Variants in GSG1L observed in about 807,000 individuals in gnomAD.
GSG1L encodes the protein germ cell-specific gene 1-like protein.
GSG1L carries 24 observed loss-of-function variants against 42.1 expected under a neutral mutation model. That is an observed-to-expected ratio of 0.57 (90% CI 0.41 to 0.80). GSG1L has a LOEUF of 0.80. GSG1L is among the 30% of genes least tolerant of loss of function. The pLI is 0.00. For missense variants in GSG1L, 445 were observed against 472.2 expected, an observed-to-expected ratio of 0.94 and a Z score of 0.53; for synonymous variants, 215 against 203.5, an observed-to-expected ratio of 1.06 and a Z score of -0.48.
chr16:28,032,740 C>T (rs545441143), intron 1 of GSG1L, among the ~76,000 whole-genome samples: 1 of 152,268 alleles, frequency 6.6e-6, no homozygotes, highest in African/African-American at 2.4e-5. Context: ...TAGGAGTTGT[C>T]CAAAATGCCT....
chr16:27,866,192 C>T (rs2083722004), intron 3 of GSG1L, among the ~76,000 whole-genome samples: 1 of 152,194 alleles, frequency 6.6e-6, no homozygotes, highest in Non-Finnish European at 1.5e-5. Context: ...TCTTCCCTTT[C>T]TGTAATTAAT....
At chr16:28,058,901 A>T (rs1231797986) in intron 1 of GSG1L, among the ~76,000 whole-genome samples, 1 of 152,128 alleles carries the variant, frequency 6.6e-6, no homozygotes, top group Non-Finnish European at 1.5e-5. Flanking sequence ...TGGAGACTTG[A>T]CTCTGAATGA....
intron 1 of GSG1L, among the ~76,000 whole-genome samples, chr16:27,997,743 T>G (rs2085533041): frequency 6.6e-6 from 1 of 152,010 alleles, no homozygotes; most frequent in African/African-American, 2.4e-5. Context: ...TTTGGTTACA[T>G]GGATGAATTG....
At chr16:27,862,932 T>TTTTTTTTAGAGC (rs2083671501) in intron 3 of GSG1L, among the ~76,000 whole-genome samples, 1 of 152,202 alleles carries the variant, frequency 6.6e-6, no homozygotes, top group Non-Finnish European at 1.5e-5. Flanking sequence ...CTCTAGGGTT[T>TTTTTTTTAGAGC]TTTTTTTAGG....
intron 2 of GSG1L, among the ~76,000 whole-genome samples, chr16:27,911,779 T>C (rs2084393999): frequency 6.6e-6 from 1 of 152,102 alleles, no homozygotes; most frequent in Non-Finnish European, 1.5e-5. Context: ...CCAACTGTAA[T>C]GTAAACGCTC....
chr16:27,884,606 G>A lies in GSG1L; in HGVS notation c.430C>T (p.Leu144=). The part of the protein sequence containing the change: ...VLWLSVVSEV[L]YILLLVVGFS... ...CCAACCACCAGCAGCAGAATGTACA[G>A]CACCTCGGAGACCACAGACAGCCAC... Residue 144 remains leucine (L), a synonymous_variant, in exon 3 of 7, where the codon CTG becomes TTG. Coordinates refer to ENST00000447459, the MANE Select transcript of GSG1L (RefSeq NM_001109763.2). This position sits in a 1 kb window ranked among gnomAD's most constrained non-coding sequence, Gnocchi z 4.4. The A allele has an allele frequency of 6.2e-7, 1 of 1,603,762 alleles. No homozygotes were observed. Among genetic ancestry groups the A allele is most frequent in the Non-Finnish European group, 8.5e-7 (1 of 1,175,108 alleles).
chr16:28,002,868 C>T (rs977566189), intron 1 of GSG1L, among the ~76,000 whole-genome samples: 4 of 151,918 alleles, frequency 2.6e-5, no homozygotes, highest in African/African-American at 7.3e-5. Flanking sequence ...ACCTGGGAGG[C>T]GGAGCTTGCA....
Position 27,919,953 on chromosome 16 carries a change from C to T in GSG1L, c.398-35315G>A, listed in dbSNP as rs375492322. Reference sequence around the variant, plus strand: ...CATCCCTCTTGATGAGGATCTATCCCATCCCATGCCAAATGGCATGTTCCG... The same window carrying T: ...CATCCCTCTTGATGAGGATCTATCCTATCCCATGCCAAATGGCATGTTCCG... On this transcript the variant is annotated intron_variant, in intron 2 of 6. Transcript: ENST00000447459. Among the ~76,000 whole-genome samples, 67 of 152,308 alleles carry T rather than the reference C, an allele frequency of 4.4e-4. 1 individual carries two copies. The highest frequency in any genetic ancestry group is 1.4e-3 in the African/African-American group (59 of 41,562).
chr16:28,022,730 CA>C, intron 1 of GSG1L, among the ~76,000 whole-genome samples: 1 of 152,184 alleles, frequency 6.6e-6, no homozygotes, highest in African/African-American at 2.4e-5. Context: ...TGCAGTGGTG[CA>C]ATCTCGGCTC....
intron 1 of GSG1L, among the ~76,000 whole-genome samples, chr16:28,038,559 T>C (rs1397048076): frequency 6.6e-6 from 1 of 151,904 alleles, no homozygotes; most frequent in Non-Finnish European, 1.5e-5. Flanking sequence ...CACAGGAGTG[T>C]GGAATTGGTA....
chr16:27,811,430 G>A (rs1400056141), intron 5 of GSG1L, among the ~76,000 whole-genome samples: 6 of 152,294 alleles, frequency 3.9e-5, no homozygotes, highest in African/African-American at 1.4e-4. Flanking sequence ...CACCAGTCAC[G>A]AAGTCAGAAC....
chr16:27,957,881 A>G (rs983210892), intron 2 of GSG1L, among the ~76,000 whole-genome samples: 5 of 152,154 alleles, frequency 3.3e-5, no homozygotes, highest in Middle Eastern at 3.2e-3. Flanking sequence ...GGCATGTCAC[A>G]TGGCAAGAGA....
In GSG1L at chr16:27,887,126, T is replaced by A. The variant is rs1021680969; in HGVS notation, c.398-2488A>T. 4.0e-5 allele frequency among the ~76,000 whole-genome samples: 6 copies of A among 151,764 alleles called. No individual in the cohort carries two copies. In the South Asian group the frequency reaches 1.2e-3, roughly 32 times the overall value. ...ATGCACCACCATGCCCAGCTTATTT[T>A]TATATTTTTTGTAGAGATGGGGTTT... is the stretch of plus-strand genomic sequence containing the variant. On this transcript the variant is annotated intron_variant, in intron 2 of 6. Transcript: ENST00000447459.
At chr16:27,985,539 TTC>T (rs1031069947) in intron 1 of GSG1L, among the ~76,000 whole-genome samples, 1 of 152,106 alleles carries the variant, frequency 6.6e-6, no homozygotes, top group African/African-American at 2.4e-5. Context: ...TAAACCTTTC[TTC>T]TCTATAAATT....
At chr16:27,992,642 C>T (rs1427189265) in intron 1 of GSG1L, among the ~76,000 whole-genome samples, 5 of 152,154 alleles carry the variant, frequency 3.3e-5, no homozygotes, top group Non-Finnish European at 5.9e-5. Context: ...TTGGGCCTCT[C>T]GGCTCCCTCA....
intron 2 of GSG1L, among the ~76,000 whole-genome samples, chr16:27,941,719 A>G (rs2084799840): frequency 6.6e-6 from 1 of 151,998 alleles, no homozygotes; most frequent in African/African-American, 2.4e-5. Flanking sequence ...CCTGTCCCTC[A>G]ACAGACAAAT....
At chr16:27,835,347 T>C (rs978041329) in intron 4 of GSG1L, among the ~76,000 whole-genome samples, 10 of 152,180 alleles carry the variant, frequency 6.6e-5, no homozygotes, top group Non-Finnish European at 1.5e-4. Context: ...GCTTACATGA[T>C]AGATGATTTT....
At chr16:27,946,029 G>A (rs2084856476) in intron 2 of GSG1L, among the ~76,000 whole-genome samples, 2 of 152,250 alleles carry the variant, frequency 1.3e-5, no homozygotes, top group Admixed American at 6.5e-5. Flanking sequence ...ACACAGCAAA[G>A]CAGACCAAAG....
At position 27,886,694 on chromosome 16, in the gene GSG1L, G is replaced by A. The variant is rs140533606; in HGVS notation, c.398-2056C>T. 2.1e-4 allele frequency among the ~76,000 whole-genome samples: 32 copies of A among 152,316 alleles called. No individual in the cohort carries two copies. The East Asian group carries it at 5.8e-3, about 28-fold the overall frequency. On this transcript the variant is annotated intron_variant, in intron 2 of 6. Coordinates refer to ENST00000447459, the MANE Select transcript of GSG1L (RefSeq NM_001109763.2). The stretch of plus-strand genomic sequence containing the variant: ...AACAGGGAGAAATGAAATTGTGAGG[G>A]TACATATGATTTCTGAAAGAAAAAG...
Sources: allele counts gnomAD v4.1 joint callset (sites outside exome capture counted in the v4.1 genomes callset), GRCh38; gene constraint gnomAD v4.1.1; non-coding constraint Gnocchi (gnomAD v3.1); transcripts MANE v1.5; gene names NCBI Gene and HGNC (gene_info 2026-07-23, HGNC 2026-07-21).